EYA3: variants seen among roughly 807,000 people sequenced by gnomAD.
EYA3 encodes the protein EYA transcriptional coactivator and phosphatase 3.
EYA3 carries 39 observed loss-of-function variants against 80.0 expected under a neutral mutation model. The observed-to-expected ratio is 0.49, with a 90% CI of 0.38 to 0.64. The LOEUF (loss-of-function observed/expected upper bound fraction) is 0.64. Among genes scored for constraint, EYA3 ranks in the 30% least tolerant of loss-of-function variants. The probability of loss-of-function intolerance (pLI) is 0.00; values close to 1 mark genes in which losing one functional copy is unlikely to be tolerated. For synonymous variants in EYA3, 206 were observed against 232.8 expected (o/e 0.88, Z 1.05); for missense variants, 523 against 676.1 (o/e 0.77, Z 2.51).
chr1:28,080,612 T>C (rs1413108925), intron 1 of EYA3, among the ~76,000 whole-genome samples: 2 of 151,666 alleles, frequency 1.3e-5, no homozygotes, highest in African/African-American at 2.4e-5. Flanking sequence ...ATGTAAAATG[T>C]ATTTTATAGT....
chr1:28,025,725 T>C (rs1270658954), intron 7 of EYA3, among the ~76,000 whole-genome samples: 1 of 152,162 alleles, frequency 6.6e-6, no homozygotes, highest in African/African-American at 2.4e-5. Context: ...TAGTGAAGTT[T>C]AAGGGATATT....
chr1:27,997,494 C>A (rs1034948697), intron 12 of EYA3, 116 bp from the exon 13 acceptor site: 12 of 905,122 alleles, frequency 1.3e-5, no homozygotes, highest in Non-Finnish European at 2.2e-5. Context: ...CTTATGGAAT[C>A]TCTTATGTGT....
intron 1 of EYA3, among the ~76,000 whole-genome samples, chr1:28,058,795 T>C (rs1644518391): frequency 6.6e-6 from 1 of 152,236 alleles, no homozygotes; most frequent in Admixed American, 6.5e-5. Flanking sequence ...CTTTCTGTCC[T>C]GATTTTCAAA....
chr1:28,029,689 G>A (rs944372150), intron 6 of EYA3, among the ~76,000 whole-genome samples: 10 of 150,560 alleles, frequency 6.6e-5, no homozygotes, highest in Admixed American at 5.3e-4. Context: ...TCCTCCTCCC[G>A]GGTTCAAGCG....
At chr1:28,084,587 ATATATATATTTTTTTTTTTTTTTTT>A (rs1645572036) in intron 1 of EYA3, among the ~76,000 whole-genome samples, 1 of 17,060 alleles carries the variant, frequency 5.9e-5, no homozygotes, top group African/African-American at 2.6e-4. Flanking sequence ...ATATATATAT[ATATATATATTTTTTTTTTTTTTTTT>A]TTTTTTTTTT....
At chr1:27,996,839 G>C (rs190153592) in intron 13 of EYA3, among the ~76,000 whole-genome samples, 2 of 152,342 alleles carry the variant, frequency 1.3e-5, no homozygotes, top group East Asian at 3.9e-4. Flanking sequence ...GCCTGAGCAA[G>C]CATTTTGCCA....
intron 4 of EYA3, among the ~76,000 whole-genome samples, chr1:28,041,751 C>A (rs535793024): frequency 1.3e-4 from 20 of 152,186 alleles, no homozygotes; most frequent in African/African-American, 3.9e-4. Flanking sequence ...CTCAGGTGAT[C>A]CTCCTGCCTC....
intron 4 of EYA3, among the ~76,000 whole-genome samples, chr1:28,041,872 T>C (rs1455989312): frequency 6.6e-6 from 1 of 152,174 alleles, no homozygotes; most frequent in Non-Finnish European, 1.5e-5. Context: ...CTCAACTTAC[T>C]TCCTGACCCT....
chr1:28,053,312 A>G lies in EYA3; in HGVS notation c.33+4682T>C, dbSNP rs373891347. ...TGTAGGATATGTAAATTACATGTCA[A>G]TAAAGCTGGTATCTTAAAAAATGAC... On this transcript the variant is annotated intron_variant, in intron 2 of 17. Coordinates refer to ENST00000373871, the MANE Select transcript of EYA3 (RefSeq NM_001990.4). Among the ~76,000 whole-genome samples, 58 of 152,306 alleles carry G rather than the reference A, an allele frequency of 3.8e-4. No individual in the cohort carries two copies. The South Asian group carries it at 0.012, about 31-fold the overall frequency.
intron 10 of EYA3, among the ~76,000 whole-genome samples, chr1:28,007,481 C>T (rs1180340482): frequency 6.6e-6 from 1 of 151,714 alleles, no homozygotes; most frequent in African/African-American, 2.4e-5. Context: ...GTTACAGGCG[C>T]CTGCCACCAT....
rs1160744599 is a variant in EYA3, at chr1:28,022,855, TACAGGCACGCACC to T, written c.499+4921_499+4933del. On this transcript the variant is annotated intron_variant, in intron 7 of 17. Transcript: ENST00000373871. ...CTCAGCCTCCCCAAGTAGCTGGGACTACAGGCACGCACCACTGCACTTGGCTAATTTTTATATT... is the reference window on the plus strand; with the variant it reads ...CTCAGCCTCCCCAAGTAGCTGGGACTACTGCACTTGGCTAATTTTTATATT... Among the ~76,000 whole-genome samples the T allele has an allele frequency of 3.9e-5, 6 of 152,252 alleles. No individual in the cohort carries two copies. In the East Asian group the frequency reaches 1.2e-3, roughly 29 times the overall value.
At chr1:28,062,656 A>AGG (rs1344801527) in intron 1 of EYA3, among the ~76,000 whole-genome samples, 10 of 94,504 alleles carry the variant, frequency 1.1e-4, no homozygotes, top group South Asian at 9.9e-4. Flanking sequence ...AAATATATGT[A>AGG]GGTGTGTGTG....
At position 27,989,728 on chromosome 1, in the gene EYA3, C is replaced by A. The variant is rs999150025; in HGVS notation, c.1387G>T (p.Ala463Ser). Reference protein sequence around the residue: ...EVLTDSWLGTALKSLLLIQSR... With the variant: ...EVLTDSWLGTSLKSLLLIQSR... ...TGGATGAGAAGTAAGGACTTTAATG[C>A]AGTTCCTAACCAGGAATCTGTTAAA... The change falls in exon 15 of 18, where the codon GCA becomes TCA. Residue 463 changes from alanine to serine, a missense_variant. Around this residue, in one of 2 missense-constraint regions of EYA3, gnomAD observed 219 missense variants for 332.8 expected, o/e 0.66. Transcript: ENST00000373871. The A allele has an allele frequency of 6.2e-7, 1 of 1,611,692 alleles. No individual in the cohort carries two copies. Among genetic ancestry groups the A allele is most frequent in the Admixed American group, 1.7e-5 (1 of 59,780 alleles).
intron 4 of EYA3, among the ~76,000 whole-genome samples, chr1:28,040,006 C>G (rs950567240): frequency 6.6e-6 from 1 of 152,116 alleles, no homozygotes; most frequent in African/African-American, 2.4e-5. Flanking sequence ...TAATTTAATT[C>G]TGGAAGGAAT....
intron 2 of EYA3, among the ~76,000 whole-genome samples, chr1:28,052,178 T>A (rs923430973): frequency 2.0e-5 from 3 of 152,114 alleles, no homozygotes; most frequent in Non-Finnish European, 4.4e-5. Flanking sequence ...CTGGCTAATT[T>A]TTTTGTATGT....
chr1:27,974,549 G>A lies in EYA3; in HGVS notation c.1642-3C>T, dbSNP rs1180680143. 6.2e-7 allele frequency: 1 copy of A among 1,611,458 alleles called. No homozygotes were observed. Among genetic ancestry groups the A allele is most frequent in the East Asian group, 2.2e-5 (1 of 44,850 alleles). ...ATCCTCCAGAAAGGCATGTTGTGCT[G>A]GAAGAGAGTGGGAATAGCTGGTTAA... On this transcript the variant is annotated splice_polypyrimidine_tract_variant and splice_region_variant and intron_variant, in intron 17 of 17. Transcript: ENST00000373871.
intron 1 of EYA3, among the ~76,000 whole-genome samples, chr1:28,074,509 C>T: frequency 7.1e-6 from 1 of 141,506 alleles, no homozygotes; most frequent in African/African-American, 2.6e-5. Context: ...GTTCTTTGAA[C>T]TTTCTTTTTT....
intron 2 of EYA3, among the ~76,000 whole-genome samples, chr1:28,054,404 A>T (rs943090734): frequency 6.6e-6 from 1 of 152,238 alleles, no homozygotes; most frequent in African/African-American, 2.4e-5. Context: ...TACAAAATGT[A>T]AACAATAGCA....
At chr1:28,014,470 A>G (rs1214717025) in intron 8 of EYA3, among the ~76,000 whole-genome samples, 2 of 149,450 alleles carry the variant, frequency 1.3e-5, no homozygotes, top group African/African-American at 4.9e-5. Context: ...GCTCACGCCT[A>G]TAATTCCAGC....
Sources: gnomAD v4.1 joint callset for allele counts (sites outside exome capture counted in the v4.1 genomes callset) on GRCh38, gnomAD v4.1.1 for gene constraint, gnomAD v4.1.1 regional missense constraint, MANE v1.5 for transcripts, NCBI Gene and HGNC (gene_info 2026-07-23, HGNC 2026-07-21) for gene names.